ACSF3: variants seen among roughly 807,000 people sequenced by gnomAD.
ACSF3 encodes the protein malonate--CoA ligase ACSF3, mitochondrial.
ACSF3 carries 78 observed loss-of-function variants against 53.2 expected under a neutral mutation model. The observed-to-expected ratio is 1.47, with a 90% CI of 1.22 to 1.77. The LOEUF (loss-of-function observed/expected upper bound fraction) is 1.77, where lower values mean the gene tolerates loss of function less well. Among genes scored for constraint, ACSF3 ranks in the 40% most tolerant of loss-of-function variants. The pLI is 0.00. For synonymous variants in ACSF3, 414 were observed against 333.1 expected (o/e 1.24, Z -2.65); for missense variants, 937 against 771.1 (o/e 1.22, Z -2.55).
intron 8 of ACSF3, among the ~76,000 whole-genome samples, chr16:89,137,943 T>G (rs2151538704): frequency 6.6e-6 from 1 of 152,290 alleles, no homozygotes; most frequent in South Asian, 2.1e-4. Flanking sequence ...TGGGGCTCCA[T>G]GTGTCCCTGG....
chr16:89,133,334 A>G (rs1169962747), intron 8 of ACSF3, 72 bp downstream of exon 8: 1 of 1,598,722 alleles, frequency 6.3e-7, no homozygotes, highest in African/African-American at 1.3e-5. Flanking sequence ...GCCCACGTTG[A>G]GTGACACCGA....
At chr16:89,118,979 G>A (rs371809796) in intron 6 of ACSF3, among the ~76,000 whole-genome samples, 84 of 152,296 alleles carry the variant, frequency 5.5e-4, no homozygotes, top group Middle Eastern at 6.8e-3. Flanking sequence ...CACAGCGAGC[G>A]GCACCTGGAG....
chr16:89,133,554 G>A (rs1007645067), intron 8 of ACSF3, among the ~76,000 whole-genome samples: 5 of 152,152 alleles, frequency 3.3e-5, no homozygotes, highest in Admixed American at 1.3e-4. Context: ...GCTCCGGCAC[G>A]CACGCACCCT....
rs1567760522 is a variant in ACSF3 at position 89,155,488 on chromosome 16, CCT to C, written c.*1282_*1283del. 1 of 454,156 alleles carries C rather than the reference CCT, an allele frequency of 2.2e-6. No homozygotes were observed. Among genetic ancestry groups the C allele is most frequent in the African/African-American group, 2.0e-5 (1 of 50,134 alleles). The allele number at this position is 454,156 out of a possible 1,614,324, so 28.1% of individuals were successfully genotyped here. A position where few individuals can be genotyped will look rare whatever the true frequency, so the allele number is the denominator to read the frequency against. On this transcript the variant is annotated 3_prime_UTR_variant, in exon 11 of 11. Transcript: ENST00000614302. ...TGAGGCCACAGAGCAGCGTCCCAGC[CCT>C]GTTTTCCAGGACTGGTGGGTGCCCC... is the stretch of plus-strand genomic sequence containing the variant.
chr16:89,136,920 G>A (rs1910614481), intron 8 of ACSF3: 4 of 1,202,342 alleles, frequency 3.3e-6, no homozygotes, highest in East Asian at 5.8e-5. Flanking sequence ...GTCTTCAGAC[G>A]TCAAAGGTCT....
At chr16:89,139,818 C>T (rs920338330) in intron 8 of ACSF3, among the ~76,000 whole-genome samples, 9 of 152,068 alleles carry the variant, frequency 5.9e-5, no homozygotes, top group African/African-American at 2.2e-4. Flanking sequence ...TGGTCTCGAT[C>T]TCCTGACCTC....
intron 7 of ACSF3, among the ~76,000 whole-genome samples, chr16:89,126,989 G>T (rs1474302673): frequency 1.2e-5 from 1 of 85,726 alleles, no homozygotes; most frequent in Admixed American, 1.4e-4. Flanking sequence ...AAGCTTTTCG[G>T]TATTGATGGA....
At position 89,112,210 on chromosome 16, in the gene ACSF3, A is replaced by G; in HGVS notation, c.941A>G (p.Gln314Arg). ...YDRHFTQPHA[Q>R]DFLRAVCEEK... ...AGGCATTTTACCCAGCCGCACGCCC[A>G]GGATTTCTTGCGTGCAGTTTGTGAA... The change falls in exon 5 of 11, where the codon CAG (glutamine) becomes CGG (arginine). Residue 314 changes from glutamine to arginine, a missense_variant. Transcript: ENST00000614302. 6 of 1,614,240 alleles carry G rather than the reference A, an allele frequency of 3.7e-6. No individual in the cohort carries two copies. The highest frequency in any genetic ancestry group is 5.1e-6 in the Non-Finnish European group (6 of 1,180,048).
At chr16:89,151,227 A>G (rs1453620572) in intron 10 of ACSF3, 2 of 463,016 alleles carry the variant, frequency 4.3e-6, no homozygotes, top group African/African-American at 4.0e-5. Context: ...GCAAACACTG[A>G]AACAGACTGA....
intron 4 of ACSF3, among the ~76,000 whole-genome samples, chr16:89,111,387 C>T (rs1976658871): frequency 6.6e-6 from 1 of 152,258 alleles, no homozygotes; most frequent in African/African-American, 2.4e-5. Flanking sequence ...CATCCGTCGA[C>T]CCCAGTTTCA....
intron 4 of ACSF3, among the ~76,000 whole-genome samples, chr16:89,103,572 A>G (rs544088527): frequency 6.6e-6 from 1 of 152,324 alleles, no homozygotes; most frequent in East Asian, 1.9e-4. Context: ...CCTTCGCTTC[A>G]TCCACCTGCA....
intron 8 of ACSF3, chr16:89,141,077 T>A: frequency 7.9e-7 from 1 of 1,273,746 alleles, no homozygotes; most frequent in Non-Finnish European, 1.0e-6. Flanking sequence ...TGATCGCAAG[T>A]TGCCCTGGAG....
In ACSF3 at chr16:89,102,741, T is replaced by C. The variant is rs1597898947; in HGVS notation, c.804T>C (p.Pro268=). ...TGGGAGCCACCTGTGTGATGATGCC[T>C]GAGTTCAGCCCTCAGCAGGTGAGTT... The part of the protein sequence containing the change: ...LWVGATCVMM[P]EFSPQQVWEK... The change falls in exon 4 of 11, where the codon CCT becomes CCC. Residue 268 remains proline, a synonymous_variant. Transcript: ENST00000614302. 2 of 1,612,898 alleles carry C rather than the reference T, an allele frequency of 1.2e-6. No individual in the cohort carries two copies. The highest frequency in any genetic ancestry group is 2.2e-5 in the East Asian group (1 of 44,874).
rs973776396 is a variant in ACSF3, at chr16:89,138,123, G to A, written c.1366+4861G>A. 3.3e-4 allele frequency among the ~76,000 whole-genome samples: 50 copies of A among 152,154 alleles called. 3 individuals are homozygous for A. Among genetic ancestry groups the A allele is most frequent in the Non-Finnish European group, 8.8e-5 (6 of 68,008 alleles). ...ATTCCCTGTGGCGCCAGAGCTCCCC[G>A]GCAGGCACTGTGGAGGCCAAGTGGG... On this transcript the variant is annotated intron_variant, in intron 8 of 10. Coordinates refer to ENST00000614302, the MANE Select transcript of ACSF3 (RefSeq NM_001243279.3).
chr16:89,132,100 T>G (rs1909451037), intron 7 of ACSF3, among the ~76,000 whole-genome samples: 1 of 152,274 alleles, frequency 6.6e-6, no homozygotes, highest in Non-Finnish European at 1.5e-5. Context: ...GGGGCAGTGT[T>G]GGCCCCACGG....
intron 8 of ACSF3, among the ~76,000 whole-genome samples, chr16:89,140,524 A>G (rs562968580): frequency 5.3e-5 from 8 of 152,302 alleles, no homozygotes; most frequent in Admixed American, 4.6e-4. Flanking sequence ...TGTTGCTGGC[A>G]TCAGTGCCAT....
rs192309625 is a variant in ACSF3 at position 89,124,664 on chromosome 16, G to A, written c.1239+3751G>A. Among the ~76,000 whole-genome samples the A allele has an allele frequency of 3.3e-5, 5 of 150,278 alleles. No homozygotes were observed. The South Asian group carries it at 6.3e-4, about 19-fold the overall frequency. Reference sequence around the variant, plus strand: ...CCATGTGTATGTGATAACTGTGCACGCACTGCGTGTGTCACATATGCACAC... The same window carrying A: ...CCATGTGTATGTGATAACTGTGCACACACTGCGTGTGTCACATATGCACAC... On this transcript the variant is annotated intron_variant, in intron 7 of 10. Coordinates refer to ENST00000614302, the MANE Select transcript of ACSF3 (RefSeq NM_001243279.3).
At chr16:89,137,902 G>C (rs1910959462) in intron 8 of ACSF3, among the ~76,000 whole-genome samples, 1 of 152,202 alleles carries the variant, frequency 6.6e-6, no homozygotes, top group South Asian at 2.1e-4. Context: ...GTTGGGGTAG[G>C]AGCAAGAGTC....
At chr16:89,131,372 C>T (rs536857840) in intron 7 of ACSF3, among the ~76,000 whole-genome samples, 7 of 151,900 alleles carry the variant, frequency 4.6e-5, no homozygotes, top group East Asian at 1.9e-4. Flanking sequence ...GCAGTCTGCC[C>T]GCCTCAGCCT....
Sources: allele counts gnomAD v4.1 joint callset (sites outside exome capture counted in the v4.1 genomes callset), GRCh38; gene constraint gnomAD v4.1.1; transcripts MANE v1.5; gene names NCBI Gene and HGNC (gene_info 2026-07-23, HGNC 2026-07-21).